ZNF233: variants seen among roughly 807,000 people sequenced by gnomAD.
ZNF233 encodes the protein zinc finger protein 233.
A neutral mutation model predicts 11.6 loss-of-function variants in ZNF233; 7 were observed. The ratio of observed to expected loss-of-function variants is 0.60; its 90% CI spans 0.34 to 1.13. The LOEUF (loss-of-function observed/expected upper bound fraction) is 1.13, where lower values mean the gene tolerates loss of function less well. ZNF233 is among the 50% of genes most tolerant of loss of function. The pLI is 0.03. For synonymous variants in ZNF233, 226 were observed against 268.5 expected (o/e 0.84, Z 1.55); for missense variants, 711 against 785.5 (o/e 0.91, Z 1.13).
chr19:44,266,406 A>G, intron 3 of ZNF233, 82 bp downstream of exon 3: 7 of 1,386,224 alleles, frequency 5.0e-6, no homozygotes, highest in Non-Finnish European at 6.6e-6. Context: ...TGGGACGCTT[A>G]AAATGCTTCC....
At chr19:44,265,217 T>A (rs1187969365) in intron 2 of ZNF233, among the ~76,000 whole-genome samples, 1 of 152,062 alleles carries the variant, frequency 6.6e-6, no homozygotes, top group Non-Finnish European at 1.5e-5. Flanking sequence ...ATAGCTTAGC[T>A]CCTACTTATG....
intron 4 of ZNF233, 132 bp from the exon 5 acceptor site, chr19:44,272,767 T>C (rs1332847613): frequency 1.6e-6 from 1 of 640,640 alleles, no homozygotes; most frequent in African/African-American, 1.9e-5. Context: ...AAAACAATGA[T>C]AAAGTCAAGC....
At position 44,273,277 on chromosome 19, in the gene ZNF233, A is replaced by T; in HGVS notation, c.617A>T (p.Lys206Met). 6.2e-7 allele frequency: 1 copy of T among 1,614,088 alleles called. No individual in the cohort carries two copies. The highest frequency in any genetic ancestry group is 8.5e-7 in the Non-Finnish European group (1 of 1,180,022). ...SRCQQIDVKN[K>M]LCKCDHCVRQ... ...TGTCAGCAAATTGATGTAAAAAATA[A>T]GCTCTGTAAATGTGATCATTGTGTT... The change falls in exon 5 of 5, where the codon AAG becomes ATG. Residue 206 changes from lysine to methionine, a missense_variant. Coordinates refer to ENST00000683810, the MANE Select transcript of ZNF233 (RefSeq NM_001207005.2).
rs144336038 is a variant in ZNF233 at position 44,265,116 on chromosome 19, G to A, written c.15+741G>A. ...TTTCAAGTCAGTTCCTTACTCCCCA[G>A]AGGCATCCTCTGTTATCCCTTACCC... is the stretch of plus-strand genomic sequence containing the variant. On this transcript the variant is annotated intron_variant, in intron 2 of 4. Transcript: ENST00000683810. Among the ~76,000 whole-genome samples, 49 of 152,038 alleles carry A rather than the reference G, an allele frequency of 3.2e-4. 1 individual carries two copies. The highest frequency in any genetic ancestry group is 7.9e-4 in the Admixed American group (12 of 15,254).
intron 1 of ZNF233, 54 bp from the exon 2 acceptor site, chr19:44,264,260 G>A: frequency 1.6e-6 from 2 of 1,226,798 alleles, no homozygotes; most frequent in Non-Finnish European, 2.4e-6. Context: ...AATTCAGCCA[G>A]CACAGCCATG....
At chr19:44,267,813 GCTT>G (rs1295019842) in intron 4 of ZNF233, 1 of 164,494 alleles carries the variant, frequency 6.1e-6, no homozygotes, top group African/African-American at 2.4e-5. Context: ...ACAGAAACCT[GCTT>G]TTTTTTTTCT....
Position 44,274,092 on chromosome 19 carries a change from A to G in ZNF233, c.1432A>G (p.Lys478Glu). The change falls in exon 5 of 5, where the codon AAA becomes GAA. Residue 478 changes from lysine (K) to glutamate (E), a missense_variant. By Grantham distance (56) the Lys-to-Glu change is moderately conservative. Coordinates refer to ENST00000683810, the MANE Select transcript of ZNF233 (RefSeq NM_001207005.2). ...QAHQRIHTGE[K>E]PYKCDVCDKN... ...CCATCAGAGAATCCACACTGGAGAG[A>G]AACCCTACAAATGTGATGTGTGTGA... 1 of 1,613,820 alleles carries G rather than the reference A, an allele frequency of 6.2e-7. No homozygotes were observed. Among genetic ancestry groups the G allele is most frequent in the Non-Finnish European group, 8.5e-7 (1 of 1,179,956 alleles).
intron 4 of ZNF233, among the ~76,000 whole-genome samples, chr19:44,272,085 A>T (rs1307748483): frequency 1.3e-5 from 2 of 150,906 alleles, no homozygotes; most frequent in African/African-American, 4.9e-5. Context: ...AAAATTAATG[A>T]GGTGTGGTGG....
intron 1 of ZNF233, among the ~76,000 whole-genome samples, chr19:44,263,087 A>G (rs551928051): frequency 5.9e-5 from 9 of 152,214 alleles, no homozygotes; most frequent in Non-Finnish European, 1.3e-4. Flanking sequence ...GACAGTCATC[A>G]TATCATCACT....
intron 4 of ZNF233, among the ~76,000 whole-genome samples, chr19:44,271,666 T>A (rs897274131): frequency 3.0e-4 from 45 of 151,912 alleles, no homozygotes; most frequent in African/African-American, 1.1e-3. Flanking sequence ...CCTGCCCCCA[T>A]GCCTGGCTAA....
chr19:44,274,169 A>C lies in ZNF233; in HGVS notation c.1509A>C (p.Thr503=). The change falls in exon 5 of 5, where the codon ACA becomes ACC. Residue 503 remains threonine (T), a synonymous_variant. Transcript: ENST00000683810. The part of the protein sequence containing the change: ...SHLQAHQRVH[T]GEKPYKCDTC... The stretch of plus-strand genomic sequence containing the variant: ...TTCAGGCCCATCAGAGAGTCCATAC[A>C]GGAGAGAAACCCTACAAATGTGACA... 6.2e-7 allele frequency: 1 copy of C among 1,613,572 alleles called. No homozygotes were observed. Among genetic ancestry groups the C allele is most frequent in the South Asian group, 1.1e-5 (1 of 91,036 alleles).
chr19:44,263,244 A>G (rs1269476843), intron 1 of ZNF233, among the ~76,000 whole-genome samples: 1 of 152,222 alleles, frequency 6.6e-6, no homozygotes, highest in Non-Finnish European at 1.5e-5. Context: ...GTTAGGTTGT[A>G]CAACCATCAC....
rs146078644 is a variant in ZNF233, at chr19:44,274,475, A to C, written c.1815A>C (p.Ser605=). The change falls in exon 5 of 5, where the codon TCA becomes TCC. Residue 605 remains serine, a synonymous_variant. Coordinates refer to ENST00000683810, the MANE Select transcript of ZNF233 (RefSeq NM_001207005.2). ...EECRKGFIWN[S]YLHVHQRIHT... ...GTAGGAAAGGCTTCATCTGGAACTC[A>C]TATCTTCATGTTCATCAGAGGATCC... 6.2e-7 allele frequency: 1 copy of C among 1,613,874 alleles called. No homozygotes were observed. The highest frequency in any genetic ancestry group is 8.5e-7 in the Non-Finnish European group (1 of 1,179,968).
chr19:44,270,217 T>C (rs766276658), intron 4 of ZNF233, among the ~76,000 whole-genome samples: 9 of 152,016 alleles, frequency 5.9e-5, no homozygotes, highest in Non-Finnish European at 1.2e-4. Flanking sequence ...ACTGTGAAAC[T>C]TAGCACCTTG....
chr19:44,267,437 G>A (rs973892293), intron 4 of ZNF233: 5 of 396,164 alleles, frequency 1.3e-5, no homozygotes, highest in Non-Finnish European at 1.8e-5. Flanking sequence ...CTGCAGCCTC[G>A]ACCTCCCAGG....
intron 2 of ZNF233, among the ~76,000 whole-genome samples, chr19:44,265,360 T>TACAC (rs763385526): frequency 7.0e-5 from 3 of 43,056 alleles, no homozygotes; most frequent in Non-Finnish European, 1.3e-4. Flanking sequence ...TTCCATCATA[T>TACAC]ATATATACAC....
Position 44,274,401 on chromosome 19 carries a change from G to GAGAGA in ZNF233, c.1741_1742insAGAGA (p.Ala581GlufsTer127). ...CTTCAGTTGGAGTTCACATCTTCAA[G>GAGAGA]CCCATCAGAGAGTCCACACAGGAGA... On this transcript the variant is annotated frameshift_variant, in exon 5 of 5. Coordinates refer to ENST00000683810, the MANE Select transcript of ZNF233 (RefSeq NM_001207005.2). LOFTEE classifies it low-confidence loss of function (END_TRUNC). 6.2e-7 allele frequency: 1 copy of GAGAGA among 1,614,166 alleles called. No homozygotes were observed. Among genetic ancestry groups the GAGAGA allele is most frequent in the East Asian group, 2.2e-5 (1 of 44,882 alleles).
chr19:44,274,428 A>C lies in ZNF233; in HGVS notation c.1768A>C (p.Lys590Gln). ...QAHQRVHTGE[K>Q]PYKCEECRKG... ...CCATCAGAGAGTCCACACAGGAGAG[A>C]AACCATACAAATGTGAAGAATGTAG... Residue 590 changes from lysine (K) to glutamine (Q), a missense_variant, in exon 5 of 5, where the codon AAA becomes CAA. Coordinates refer to ENST00000683810, the MANE Select transcript of ZNF233 (RefSeq NM_001207005.2). 3.7e-6 allele frequency: 6 copies of C among 1,614,208 alleles called. No homozygotes were observed. Among genetic ancestry groups the C allele is most frequent in the Non-Finnish European group, 5.1e-6 (6 of 1,180,024 alleles).
chr19:44,268,635 A>G (rs1276596930), intron 4 of ZNF233, among the ~76,000 whole-genome samples: 1 of 152,164 alleles, frequency 6.6e-6, no homozygotes, highest in Non-Finnish European at 1.5e-5. Flanking sequence ...GGACTAATGG[A>G]TAGGTGTTTT....
Sources: gnomAD v4.1 joint callset for allele counts (sites outside exome capture counted in the v4.1 genomes callset) on GRCh38, gnomAD v4.1.1 for gene constraint, MANE v1.5 for transcripts, NCBI Gene and HGNC (gene_info 2026-07-23, HGNC 2026-07-21) for gene names.